The following BNC2 variants were observed in gnomAD, a reference collection of about 807,000 sequenced individuals.
BNC2 encodes the protein zinc finger protein basonuclin-2.
A neutral mutation model predicts 76.3 loss-of-function variants in BNC2; 20 were observed. That is an observed-to-expected ratio of 0.26 (90% confidence interval 0.18 to 0.38). The LOEUF (loss-of-function observed/expected upper bound fraction) is 0.38. Among genes scored for constraint, BNC2 ranks in the 10% least tolerant of loss-of-function variants. The pLI is 1.00. For synonymous variants in BNC2, 582 were observed against 514.8 expected, an observed-to-expected ratio of 1.13 and a Z score of -1.77; for missense variants, 1,382 against 1,399.8, an observed-to-expected ratio of 0.99 and a Z score of 0.20.
chr9:16,623,615 C>A (rs1278320900), intron 3 of BNC2, among the ~76,000 whole-genome samples: 1 of 152,142 alleles, frequency 6.6e-6, no homozygotes, highest in Non-Finnish European at 1.5e-5. Flanking sequence ...ATCTAACTTA[C>A]ATGCAAGAAA....
chr9:16,748,284 C>A (rs1035747820), intron 1 of BNC2, among the ~76,000 whole-genome samples: 6 of 151,670 alleles, frequency 4.0e-5, no homozygotes, highest in Non-Finnish European at 7.4e-5. Flanking sequence ...GAGGCCGAGG[C>A]AGGAAGACTG....
intron 5 of BNC2, among the ~76,000 whole-genome samples, chr9:16,515,472 G>A (rs991850667): frequency 2.3e-4 from 35 of 152,132 alleles, no homozygotes; most frequent in African/African-American, 7.0e-4. Flanking sequence ...ACCCTCACCC[G>A]CCCTCTTCCC....
chr9:16,685,042 G>T (rs1822934427), intron 3 of BNC2, among the ~76,000 whole-genome samples: 1 of 152,170 alleles, frequency 6.6e-6, no homozygotes, highest in Non-Finnish European at 1.5e-5. Flanking sequence ...GTTCTCCTGA[G>T]CCGGGAGACC....
At chr9:16,819,741 G>A (rs1163791141) in intron 1 of BNC2, among the ~76,000 whole-genome samples, 1 of 152,042 alleles carries the variant, frequency 6.6e-6, no homozygotes, top group Non-Finnish European at 1.5e-5. Flanking sequence ...TATGTTTCAT[G>A]CCAGTAGGTA....
In BNC2 at chr9:16,825,874, T is replaced by C. The variant is rs569719931; in HGVS notation, c.3+44772A>G. Among the ~76,000 whole-genome samples, 52 of 152,266 alleles carry C rather than the reference T, an allele frequency of 3.4e-4. No individual in the cohort carries two copies. In the Middle Eastern group the frequency reaches 0.01, roughly 30 times the overall value. ...TTCACCTGAGCATAACTGTATTTTTTTTTTGCATGTGTCATTTGAAAAACA... is the reference window on the plus strand; with the variant it reads ...TTCACCTGAGCATAACTGTATTTTTCTTTTGCATGTGTCATTTGAAAAACA... On this transcript the variant is annotated intron_variant, in intron 1 of 6. Coordinates refer to ENST00000380672, the MANE Select transcript of BNC2 (RefSeq NM_017637.6).
At chr9:16,624,610 C>T (rs893915523) in intron 3 of BNC2, among the ~76,000 whole-genome samples, 2 of 152,156 alleles carry the variant, frequency 1.3e-5, no homozygotes, top group Non-Finnish European at 2.9e-5. Flanking sequence ...CTTTTATTGT[C>T]TCTGGTCAAC....
chr9:16,834,698 TA>T (rs1818662562), intron 1 of BNC2, among the ~76,000 whole-genome samples: 1 of 151,624 alleles, frequency 6.6e-6, no homozygotes, highest in East Asian at 1.9e-4. Flanking sequence ...TCCCTACAAG[TA>T]AGTGATTTTT....
chr9:16,494,381 G>A (rs12338979), intron 5 of BNC2, among the ~76,000 whole-genome samples: 2,425 of 152,070 alleles, frequency 0.016, 56 homozygotes, highest in African/African-American at 0.055. Context: ...TCGATCTCTT[G>A]AACTCATGAT....
chr9:16,552,186 C>G (rs1818683183), intron 5 of BNC2, among the ~76,000 whole-genome samples: 1 of 152,162 alleles, frequency 6.6e-6, no homozygotes, highest in Non-Finnish European at 1.5e-5. Context: ...CAGATTTTCA[C>G]ACACCCATTA....
chr9:16,856,770 G>C (rs1040359406), intron 1 of BNC2, among the ~76,000 whole-genome samples: 11 of 152,124 alleles, frequency 7.2e-5, no homozygotes, highest in Admixed American at 2.6e-4. Context: ...TCACCATTTT[G>C]AATCAGAGAA....
intron 3 of BNC2, among the ~76,000 whole-genome samples, chr9:16,584,264 C>A (rs1368056891): frequency 6.6e-6 from 1 of 152,128 alleles, no homozygotes; most frequent in Non-Finnish European, 1.5e-5. Context: ...TCACACAGCT[C>A]CAGATGCTCA....
chr9:16,630,994 T>C (rs1821146217), intron 3 of BNC2, among the ~76,000 whole-genome samples: 1 of 152,086 alleles, frequency 6.6e-6, no homozygotes, highest in Admixed American at 6.5e-5. Flanking sequence ...CCACCTAGGC[T>C]TCCCAAGGTG....
At chr9:16,635,733 G>A (rs1427375525) in intron 3 of BNC2, among the ~76,000 whole-genome samples, 2 of 152,146 alleles carry the variant, frequency 1.3e-5, no homozygotes, top group African/African-American at 2.4e-5. Flanking sequence ...TTCTAGATAC[G>A]ATCTATAATA....
At chr9:16,853,321 C>T (rs1169835309) in intron 1 of BNC2, among the ~76,000 whole-genome samples, 1 of 151,250 alleles carries the variant, frequency 6.6e-6, no homozygotes, top group East Asian at 2.0e-4. Flanking sequence ...TGGAGGATCA[C>T]CTGAGCCCAG....
chr9:16,520,124 G>T (rs1029492435), intron 5 of BNC2, among the ~76,000 whole-genome samples: 1 of 152,164 alleles, frequency 6.6e-6, no homozygotes, highest in Admixed American at 6.5e-5. Context: ...AAATGCACAC[G>T]CACAGTAGTT....
chr9:16,662,904 A>G (rs768359443), intron 3 of BNC2, among the ~76,000 whole-genome samples: 1 of 152,196 alleles, frequency 6.6e-6, no homozygotes, highest in Non-Finnish European at 1.5e-5. Flanking sequence ...AAATGCTTTT[A>G]AAGTTGCTAT....
intron 3 of BNC2, among the ~76,000 whole-genome samples, chr9:16,712,334 G>A (rs1432689222): frequency 6.6e-6 from 1 of 152,150 alleles, no homozygotes; most frequent in Non-Finnish European, 1.5e-5. Context: ...TACACTATGT[G>A]TAAAGTTATA....
chr9:16,745,458 G>T (rs560594282), intron 1 of BNC2, among the ~76,000 whole-genome samples: 2 of 152,166 alleles, frequency 1.3e-5, no homozygotes, highest in Non-Finnish European at 1.5e-5. Flanking sequence ...TAACAGAAAC[G>T]TATGTTCCTT....
At position 16,568,316 on chromosome 9, in the gene BNC2, T is replaced by C. The variant is rs972110812; in HGVS notation, c.433+14667A>G. ...ATGAGATTTTTATTGGAGCAATTTCTGGGGTCAGATTTTAAAGTTTTCATT... is the reference window on the plus strand; with the variant it reads ...ATGAGATTTTTATTGGAGCAATTTCCGGGGTCAGATTTTAAAGTTTTCATT... On this transcript the variant is annotated intron_variant, in intron 4 of 6. Coordinates refer to ENST00000380672, the MANE Select transcript of BNC2 (RefSeq NM_017637.6). Among the ~76,000 whole-genome samples the C allele has an allele frequency of 2.6e-5, 4 of 152,296 alleles. 1 individual carries two copies. The South Asian group carries it at 8.3e-4, about 32-fold the overall frequency.
Sources: allele counts gnomAD v4.1 joint callset (sites outside exome capture counted in the v4.1 genomes callset), GRCh38; gene constraint gnomAD v4.1.1; transcripts MANE v1.5; gene names NCBI Gene and HGNC (gene_info 2026-07-23, HGNC 2026-07-21).